Variants in ROPN1L observed in about 807,000 individuals in gnomAD.
ROPN1L encodes rhophilin associated tail protein 1 like, also known as ropporin-1-like protein.
ROPN1L carries 23 observed loss-of-function variants against 22.7 expected under a neutral mutation model. The observed-to-expected ratio is 1.01, with a 90% confidence interval of 0.73 to 1.43. ROPN1L has a LOEUF of 1.43. Ranked by LOEUF, ROPN1L falls within the 40% of genes most tolerant of loss-of-function variation. The pLI, the probability that ROPN1L is intolerant of heterozygous loss-of-function variation, is 0.00. For synonymous variants in ROPN1L, 116 were observed against 117.8 expected, an observed-to-expected ratio of 0.98 and a Z score of 0.10; for missense variants, 271 against 291.5, an observed-to-expected ratio of 0.93 and a Z score of 0.51.
intron 3 of ROPN1L, among the ~76,000 whole-genome samples, chr5:10,456,550 C>T (rs112710054): frequency 6.6e-6 from 1 of 152,280 alleles, no homozygotes; most frequent in African/African-American, 2.4e-5. Context: ...ACATATCGCA[C>T]ATGGGAGAAT....
chr5:10,481,769 A>G, the ROPN1L span: 1 of 152,222 alleles, frequency 6.6e-6, no homozygotes, highest in African/African-American at 2.4e-5. Context: ...GGGGATGCAG[A>G]TGCTTTATAA....
chr5:10,442,303 G>A lies in ROPN1L; in HGVS notation c.131+5G>A, dbSNP rs1331417624. 6.2e-7 allele frequency: 1 copy of A among 1,612,566 alleles called. No homozygotes were observed. Among genetic ancestry groups the A allele is most frequent in the Non-Finnish European group, 8.5e-7 (1 of 1,179,710 alleles). On this transcript the variant is annotated splice_donor_5th_base_variant and intron_variant, in intron 1 of 4. Coordinates refer to ENST00000274134, the MANE Select transcript of ROPN1L (RefSeq NM_031916.5). ...CGTGCTGCGGTGGTCCGCGGGGTAA[G>A]CGCCCTTGGCCCGGGGAGCTGTCCG...
chr5:10,462,444 C>T (rs1453076257), intron 4 of ROPN1L, among the ~76,000 whole-genome samples: 1 of 152,216 alleles, frequency 6.6e-6, no homozygotes, highest in Non-Finnish European at 1.5e-5. Flanking sequence ...GGGAGCCCGA[C>T]CTCTCCCGTG....
chr5:10,479,763 C>G, the ROPN1L span, among the ~76,000 whole-genome samples: 3 of 150,700 alleles, frequency 2.0e-5, 1 homozygote, highest in African/African-American at 7.3e-5. Flanking sequence ...TTTTTTTTTT[C>G]TGAGACGGAG....
downstream of ROPN1L, among the ~76,000 whole-genome samples, chr5:10,473,411 A>G (rs1418158511): frequency 6.6e-6 from 1 of 152,196 alleles, no homozygotes; most frequent in Non-Finnish European, 1.5e-5. Flanking sequence ...CAGAGATTGG[A>G]GGAATGCTGC....
chr5:10,450,643 T>C (rs915772400), intron 3 of ROPN1L, among the ~76,000 whole-genome samples: 7 of 152,130 alleles, frequency 4.6e-5, no homozygotes, highest in African/African-American at 1.7e-4. Flanking sequence ...TAGCTGGGAT[T>C]ACAGGCATGT....
rs1741188849 is a variant in ROPN1L, at chr5:10,449,630, G to C, written c.256-322G>C. 2.6e-5 allele frequency among the ~76,000 whole-genome samples: 4 copies of C among 152,270 alleles called. No homozygotes were observed. The South Asian group carries it at 8.3e-4, about 32-fold the overall frequency. On this transcript the variant is annotated intron_variant, in intron 2 of 4. Coordinates refer to ENST00000274134, the MANE Select transcript of ROPN1L (RefSeq NM_031916.5). ...CTGGATTTTTAAAATGTTTTTTACT[G>C]AGCTTTATTTTTTATTGTGAAGCAT...
chr5:10,450,773 G>A (rs899635759), intron 3 of ROPN1L, among the ~76,000 whole-genome samples: 1 of 152,172 alleles, frequency 6.6e-6, no homozygotes, highest in Non-Finnish European at 1.5e-5. Flanking sequence ...CAAAGTGTTG[G>A]GATTACAGGC....
intron 3 of ROPN1L, 110 bp from the exon 4 acceptor site, chr5:10,461,074 G>A (rs1735014302): frequency 5.2e-6 from 5 of 961,226 alleles, no homozygotes; most frequent in Non-Finnish European, 7.6e-6. Flanking sequence ...ATACTTTTTG[G>A]AGAATTTCTG....
intron 3 of ROPN1L, among the ~76,000 whole-genome samples, chr5:10,457,213 CT>C (rs1281400130): frequency 1.2e-4 from 19 of 152,210 alleles, no homozygotes; most frequent in Non-Finnish European, 2.4e-4. Flanking sequence ...CACTCACCCC[CT>C]AACCGTGCCG....
intron 4 of ROPN1L, 97 bp downstream of exon 4, chr5:10,461,456 G>GACAGAGCCCGGACAGAGCC: frequency 9.7e-7 from 1 of 1,031,928 alleles, no homozygotes. Flanking sequence ...TTTTTCCTTT[G>GACAGAGCCCGGACAGAGCC]CTCTCTCACC....
At chr5:10,458,869 C>T (rs1253537889) in intron 3 of ROPN1L, among the ~76,000 whole-genome samples, 1 of 42,786 alleles carries the variant, frequency 2.3e-5, no homozygotes, top group East Asian at 5.8e-4. Flanking sequence ...TGTACACCAT[C>T]CCCCCGTGTA....
chr5:10,450,453 G>T (rs575364908), intron 3 of ROPN1L, among the ~76,000 whole-genome samples: 3 of 152,230 alleles, frequency 2.0e-5, no homozygotes, highest in African/African-American at 7.2e-5. Flanking sequence ...GTGGAAAGAG[G>T]CATACAATTA....
At chr5:10,475,923 A>G (rs894517644), downstream of ROPN1L, among the ~76,000 whole-genome samples, 4 of 152,232 alleles carry the variant, frequency 2.6e-5, no homozygotes, top group African/African-American at 9.6e-5. Flanking sequence ...TGTGCTCCAC[A>G]TGATCATTCA....
At chr5:10,448,897 C>T (rs535083775) in intron 2 of ROPN1L, among the ~76,000 whole-genome samples, 3 of 152,212 alleles carry the variant, frequency 2.0e-5, no homozygotes, top group Non-Finnish European at 4.4e-5. Flanking sequence ...TTGCCCCACA[C>T]GCCATCCTGT....
At chr5:10,476,029 A>C (rs1031931155), downstream of ROPN1L, among the ~76,000 whole-genome samples, 9 of 152,214 alleles carry the variant, frequency 5.9e-5, no homozygotes, top group African/African-American at 1.9e-4. Context: ...AAGAGCAGGG[A>C]GGAGGCCATT....
At chr5:10,450,834 C>T (rs1429438717) in intron 3 of ROPN1L, among the ~76,000 whole-genome samples, 1 of 152,118 alleles carries the variant, frequency 6.6e-6, no homozygotes, top group African/African-American at 2.4e-5. Flanking sequence ...CTAATAGATA[C>T]AGTGAGATTT....
chr5:10,468,210 G>A (rs1735186912), downstream of ROPN1L, among the ~76,000 whole-genome samples: 1 of 152,246 alleles, frequency 6.6e-6, no homozygotes, highest in South Asian at 2.1e-4. Context: ...TCCATCATGG[G>A]TGGAAGATGA....
chr5:10,453,862 G>A (rs1257073446), intron 3 of ROPN1L, among the ~76,000 whole-genome samples: 2 of 152,098 alleles, frequency 1.3e-5, no homozygotes, highest in East Asian at 3.8e-4. Flanking sequence ...TCTAAGTGCT[G>A]CAGGTTCTGG....
Sources: gnomAD v4.1 joint callset for allele counts (sites outside exome capture counted in the v4.1 genomes callset) on GRCh38, gnomAD v4.1.1 for gene constraint, MANE v1.5 for transcripts, NCBI Gene and HGNC (gene_info 2026-07-23, HGNC 2026-07-21) for gene names.